Variants in BCR observed in about 807,000 individuals in gnomAD.
The protein encoded by BCR is BCR activator of RhoGEF and GTPase.
In BCR, 58 loss-of-function variants were observed where a neutral mutation model predicts 138.6. The observed-to-expected ratio is 0.42, with a 90% CI of 0.34 to 0.52. BCR has a LOEUF of 0.52. BCR is among the 20% of genes least tolerant of loss of function. BCR has a pLI of 0.06. For synonymous variants in BCR, 786 were observed against 730.1 expected (o/e 1.08, Z -1.23); for missense variants, 1,599 against 1,727.2 (o/e 0.93, Z 1.32).
At chr22:23,256,672 C>T (rs2146270477) in intron 2 of BCR, among the ~76,000 whole-genome samples, 1 of 152,172 alleles carries the variant, frequency 6.6e-6, no homozygotes, top group East Asian at 1.9e-4. Flanking sequence ...CTGATCACCA[C>T]TGGGCTCCCC....
In BCR at chr22:23,216,740, C is replaced by T. The variant is rs114467277; in HGVS notation, c.1279+34501C>T. 9.3e-3 allele frequency among the ~76,000 whole-genome samples: 1,417 copies of T among 152,328 alleles called. 17 individuals carry two copies. The highest frequency in any genetic ancestry group is 0.032 in the African/African-American group (1,337 of 41,558). On this transcript the variant is annotated intron_variant, in intron 1 of 22. Coordinates refer to ENST00000305877, the MANE Select transcript of BCR (RefSeq NM_004327.4). ...TTGTGGTTTGACTGCCGCTGGCATC[C>T]GAGGTGGCCTAACCGTTGTAGCTAA...
chr22:23,249,097 C>CA (rs2073190495), intron 1 of BCR, among the ~76,000 whole-genome samples: 1 of 151,968 alleles, frequency 6.6e-6, no homozygotes, highest in Admixed American at 6.6e-5. Context: ...TCAGCCTGGA[C>CA]AACATAGCAA....
At chr22:23,189,306 C>T (rs2072385016) in intron 1 of BCR, among the ~76,000 whole-genome samples, 1 of 152,164 alleles carries the variant, frequency 6.6e-6, no homozygotes, top group Non-Finnish European at 1.5e-5. Context: ...TCATATCCAT[C>T]AGACTTTAAC....
chr22:23,266,968 C>T (rs1481156826), intron 4 of BCR, among the ~76,000 whole-genome samples: 1 of 152,136 alleles, frequency 6.6e-6, no homozygotes, highest in Non-Finnish European at 1.5e-5. Context: ...GTCACCTCTT[C>T]TGAGAGGCTG....
In BCR at chr22:23,305,113, T is replaced by TA. The variant is rs131687; in HGVS notation, c.3013-4294dup. 8.1e-3 allele frequency among the ~76,000 whole-genome samples: 1,139 copies of TA among 141,430 alleles called. 4 individuals carry two copies. The highest frequency in any genetic ancestry group is 0.012 in the Admixed American group (171 of 14,102). 92.8% of individuals were successfully genotyped at this position (141,430 alleles called of 152,430 possible). On this transcript the variant is annotated intron_variant, in intron 16 of 22. Coordinates refer to ENST00000305877, the MANE Select transcript of BCR (RefSeq NM_004327.4). ...TGGGCAACAGAGTGAGACTCCGCCTTAAAAAAAAAAAAAAAAAGGTGCAGG... is the reference window on the plus strand; with the variant it reads ...TGGGCAACAGAGTGAGACTCCGCCTTAAAAAAAAAAAAAAAAAAGGTGCAGG...
At chr22:23,225,133 A>C (rs1184031115) in intron 1 of BCR, among the ~76,000 whole-genome samples, 2 of 151,798 alleles carry the variant, frequency 1.3e-5, no homozygotes, top group African/African-American at 4.8e-5. Context: ...GTTCAATGAA[A>C]GGAACAGTCC....
intron 1 of BCR, among the ~76,000 whole-genome samples, chr22:23,236,222 G>A (rs2073021360): frequency 6.6e-6 from 1 of 152,140 alleles, no homozygotes; most frequent in Admixed American, 6.5e-5. Context: ...CTTAAGACAG[G>A]TTCCTCAAAC....
intron 9 of BCR, 118 bp from the exon 10 acceptor site, chr22:23,284,915 T>G: frequency 1.7e-6 from 2 of 1,161,470 alleles, no homozygotes; most frequent in Non-Finnish European, 2.4e-6. Flanking sequence ...CGTGCTGGGT[T>G]TTAGGTCAGG....
chr22:23,258,376 C>G (rs2073320100), intron 2 of BCR, among the ~76,000 whole-genome samples: 1 of 152,136 alleles, frequency 6.6e-6, no homozygotes, highest in South Asian at 2.1e-4. Context: ...GGCTCAGGGC[C>G]GGAGGGCATT....
At chr22:23,210,525 A>T (rs373861385) in intron 1 of BCR, among the ~76,000 whole-genome samples, 1 of 152,308 alleles carries the variant, frequency 6.6e-6, no homozygotes, top group African/African-American at 2.4e-5. Flanking sequence ...AGACAATGAA[A>T]GTCACTCTTG....
chr22:23,215,924 G>A (rs1009606233), intron 1 of BCR, among the ~76,000 whole-genome samples: 3 of 152,176 alleles, frequency 2.0e-5, no homozygotes, highest in Non-Finnish European at 2.9e-5. Flanking sequence ...CCCCTTTCCT[G>A]TAAACATGGG....
rs375062134 is a variant in BCR, at chr22:23,273,178, C to T, written c.1974+45C>T. On this transcript the variant is annotated intron_variant, in intron 7 of 22. Coordinates refer to ENST00000305877, the MANE Select transcript of BCR (RefSeq NM_004327.4). ...TGGACCGGGACCAAAACTGCCCCCTCGGGCACACACAGCAACAATGTTCTG... is the reference window on the plus strand; with the variant it reads ...TGGACCGGGACCAAAACTGCCCCCTTGGGCACACACAGCAACAATGTTCTG... 5.7e-5 allele frequency: 90 copies of T among 1,586,442 alleles called. 2 individuals are homozygous for T. The highest frequency in any genetic ancestry group is 1.7e-4 in the Middle Eastern group (1 of 6,030).
At chr22:23,225,246 T>A (rs2072875836) in intron 1 of BCR, among the ~76,000 whole-genome samples, 1 of 151,934 alleles carries the variant, frequency 6.6e-6, no homozygotes, top group Non-Finnish European at 1.5e-5. Context: ...AGAGGACACC[T>A]GACCCTAAGG....
intron 4 of BCR, chr22:23,263,288 G>C (rs1257576438): frequency 7.9e-6 from 9 of 1,144,196 alleles, no homozygotes; most frequent in Non-Finnish European, 1.0e-5. Flanking sequence ...GCCTGGCCCA[G>C]GTGTACCGCT....
chr22:23,284,213 T>C, intron 9 of BCR, 115 bp downstream of exon 9: 1 of 1,436,582 alleles, frequency 7.0e-7, no homozygotes, highest in Non-Finnish European at 9.3e-7. Flanking sequence ...ATTCCGTTTC[T>C]ACTTGGGCAC....
Position 23,181,036 on chromosome 22 carries a change from C to T in BCR, c.76C>T (p.Arg26Cys), listed in dbSNP as rs753721385. 2 of 1,519,100 alleles carry T rather than the reference C, an allele frequency of 1.3e-6. No individual in the cohort carries two copies. Among genetic ancestry groups the T allele is most frequent in the East Asian group, 2.6e-5 (1 of 38,474 alleles). 94.1% of individuals were successfully genotyped at this position (1,519,100 alleles called of 1,614,324 possible). Residue 26 changes from arginine to cysteine, a missense_variant, in exon 1 of 23, where the codon CGC becomes TGC. By Grantham distance (180) the Arg-to-Cys change is radical (BLOSUM62 -3). Coordinates refer to ENST00000305877, the MANE Select transcript of BCR (RefSeq NM_004327.4). ...PDSEPPRMEL[R>C]SVGDIEQELE... ...CTCAGAGCCCCCGCGCATGGAGCTG[C>T]GCTCAGTGGGCGACATCGAGCAGGA...
At chr22:23,271,725 AT>A in intron 6 of BCR, 133 bp downstream of exon 6, 1 of 838,608 alleles carries the variant, frequency 1.2e-6, no homozygotes, top group Non-Finnish European at 1.9e-6. Flanking sequence ...CTCTCTTCAG[AT>A]AGAGTGGGCA....
chr22:23,205,238 G>A (rs1045718474), intron 1 of BCR, among the ~76,000 whole-genome samples: 3 of 152,178 alleles, frequency 2.0e-5, no homozygotes, highest in African/African-American at 7.2e-5. Context: ...TCAGTCTGGA[G>A]GGCATAAGGA....
intron 16 of BCR, among the ~76,000 whole-genome samples, chr22:23,300,354 G>A (rs533048316): frequency 6.6e-6 from 1 of 152,304 alleles, no homozygotes; most frequent in South Asian, 2.1e-4. Flanking sequence ...ATGTCCTCAA[G>A]GCTCACCCAT....
Sources: gnomAD v4.1 joint callset for allele counts (sites outside exome capture counted in the v4.1 genomes callset) on GRCh38, gnomAD v4.1.1 for gene constraint, MANE v1.5 for transcripts, NCBI Gene and HGNC (gene_info 2026-07-23, HGNC 2026-07-21) for gene names.